The following RBMS1 variants were observed in gnomAD, a reference collection of about 807,000 sequenced individuals.
RBMS1 encodes RNA binding motif single stranded interacting protein 1.
Under a neutral mutation model 62.3 loss-of-function variants are expected in RBMS1, and 17 were observed. That is an observed-to-expected ratio of 0.27 (90% CI 0.19 to 0.41). RBMS1 has a LOEUF of 0.41. Among genes scored for constraint, RBMS1 ranks in the 10% least tolerant of loss-of-function variants. RBMS1 has a pLI of 1.00. For missense variants in RBMS1, 334 were observed against 504.5 expected (o/e 0.66, Z 3.24); for synonymous variants, 172 against 170.0 (o/e 1.01, Z -0.09).
intron 1 of RBMS1, among the ~76,000 whole-genome samples, chr2:160,403,685 C>T (rs1432596054): frequency 2.0e-5 from 3 of 152,186 alleles, no homozygotes; most frequent in Non-Finnish European, 2.9e-5. Context: ...CACACATACA[C>T]ACATGCAGAA....
rs970677973 is a variant in RBMS1, at chr2:160,278,436, G to T, written c.1062+112C>A. 105 of 852,586 alleles carry T rather than the reference G, an allele frequency of 1.2e-4. 1 individual carries two copies. The highest frequency in any genetic ancestry group is 6.2e-5 in the Non-Finnish European group (32 of 515,128). The allele number at this position is 852,586 out of a possible 1,614,324, so 52.8% of individuals were successfully genotyped here. A position where few individuals can be genotyped will look rare whatever the true frequency, so the allele number is the denominator to read the frequency against. On this transcript the variant is annotated intron_variant, in intron 11 of 13. Transcript: ENST00000348849. The stretch of plus-strand genomic sequence containing the variant: ...AAGGTCATGTGGGGGGAAGAGAGGG[G>T]ATTAGACATAATCTGTTATCATAGA...
chr2:160,306,165 ATG>A (rs1689510542), intron 4 of RBMS1, among the ~76,000 whole-genome samples: 1 of 151,894 alleles, frequency 6.6e-6, no homozygotes, highest in Non-Finnish European at 1.5e-5. Flanking sequence ...ACACATATAT[ATG>A]GAGTATATAT....
At chr2:160,425,673 G>C (rs1313009072) in intron 1 of RBMS1, among the ~76,000 whole-genome samples, 1 of 152,266 alleles carries the variant, frequency 6.6e-6, no homozygotes, top group East Asian at 1.9e-4. Flanking sequence ...GCTAAACAAA[G>C]AGCAACTACA....
chr2:160,344,414 C>G (rs1692061153), intron 2 of RBMS1, among the ~76,000 whole-genome samples: 1 of 152,128 alleles, frequency 6.6e-6, no homozygotes, highest in Non-Finnish European at 1.5e-5. Context: ...ATTTTTGCAT[C>G]CCATTCCCTA....
chr2:160,482,256 T>A (rs1427951343), intron 1 of RBMS1, among the ~76,000 whole-genome samples: 1 of 152,148 alleles, frequency 6.6e-6, no homozygotes, highest in African/African-American at 2.4e-5. Context: ...CAAGAATGGA[T>A]ACAACCAACC....
intron 2 of RBMS1, among the ~76,000 whole-genome samples, chr2:160,349,457 T>C (rs915540092): frequency 6.6e-6 from 1 of 152,060 alleles, no homozygotes; most frequent in Non-Finnish European, 1.5e-5. Context: ...AGTTTGTTCT[T>C]GTGGCAAATC....
intron 2 of RBMS1, among the ~76,000 whole-genome samples, chr2:160,343,629 T>C (rs1484004645): frequency 6.6e-6 from 1 of 152,178 alleles, no homozygotes. Flanking sequence ...AATTTAATTA[T>C]CAACCAGAGA....
intron 1 of RBMS1, among the ~76,000 whole-genome samples, chr2:160,391,276 C>G (rs1694852579): frequency 6.6e-6 from 1 of 150,778 alleles, no homozygotes; most frequent in African/African-American, 2.5e-5. Context: ...GGCACACAGA[C>G]AGAATGTCAT....
At chr2:160,418,269 A>G (rs190958253) in intron 1 of RBMS1, among the ~76,000 whole-genome samples, 6 of 152,348 alleles carry the variant, frequency 3.9e-5, no homozygotes, top group African/African-American at 1.2e-4. Flanking sequence ...CACTCCAAAG[A>G]TCAGTCATCA....
At chr2:160,281,622 A>G in intron 9 of RBMS1, 2 of 342,552 alleles carry the variant, frequency 5.8e-6, no homozygotes, top group Non-Finnish European at 1.1e-5. Flanking sequence ...AAAGAGAAAA[A>G]GGCGAAACAG....
chr2:160,378,607 ACT>A (rs1694119395), intron 1 of RBMS1, among the ~76,000 whole-genome samples: 1 of 141,702 alleles, frequency 7.1e-6, no homozygotes. Flanking sequence ...CCAAAGTAAG[ACT>A]CTATCTATAA....
intron 1 of RBMS1, among the ~76,000 whole-genome samples, chr2:160,473,493 T>G (rs1685007058): frequency 6.6e-6 from 1 of 152,188 alleles, no homozygotes; most frequent in African/African-American, 2.4e-5. Flanking sequence ...ATTTCTGTGC[T>G]ATGATTAAGG....
At chr2:160,478,791 G>A (rs543985966) in intron 1 of RBMS1, among the ~76,000 whole-genome samples, 56 of 152,284 alleles carry the variant, frequency 3.7e-4, no homozygotes, top group Middle Eastern at 3.4e-3. Context: ...AAGGCACAAC[G>A]GGCTTGTTGA....
chr2:160,453,370 C>T (rs556792961), intron 1 of RBMS1, among the ~76,000 whole-genome samples: 2 of 152,280 alleles, frequency 1.3e-5, no homozygotes, highest in African/African-American at 2.4e-5. Context: ...TCCTTACCAT[C>T]GTAAAAGCAT....
intron 3 of RBMS1, among the ~76,000 whole-genome samples, chr2:160,314,220 T>C (rs1690088598): frequency 6.6e-6 from 1 of 152,202 alleles, no homozygotes; most frequent in Admixed American, 6.5e-5. Flanking sequence ...AGTATCACCG[T>C]ATCAAAATAG....
chr2:160,443,067 G>T (rs1285483511), intron 1 of RBMS1, among the ~76,000 whole-genome samples: 1 of 152,086 alleles, frequency 6.6e-6, no homozygotes, highest in Non-Finnish European at 1.5e-5. Context: ...TTAGCCGGGT[G>T]TGGTGGCGGG....
Position 160,493,441 on chromosome 2 carries a change from T to G in RBMS1, c.-78A>C. 7.0e-7 allele frequency: 1 copy of G among 1,426,562 alleles called. No individual in the cohort carries two copies. The highest frequency in any genetic ancestry group is 9.8e-7 in the Non-Finnish European group (1 of 1,020,098). The allele number at this position is 1,426,562 out of a possible 1,614,324, so 88.4% of individuals were successfully genotyped here. On this transcript the variant is annotated 5_prime_UTR_variant, in exon 1 of 14. Transcript: ENST00000348849. ...AGTCTCGGGCTCTCCTGCCTCTCCC[T>G]TTCCGGCGGCGGCGGCAGCGGCGGC...
intron 2 of RBMS1, among the ~76,000 whole-genome samples, chr2:160,345,365 C>A (rs1692118281): frequency 6.6e-6 from 1 of 152,084 alleles, no homozygotes; most frequent in Non-Finnish European, 1.5e-5. Flanking sequence ...TACGGGGAGG[C>A]TAGTAGTGTT....
At chr2:160,331,080 C>G (rs1036511110) in intron 2 of RBMS1, among the ~76,000 whole-genome samples, 3 of 152,080 alleles carry the variant, frequency 2.0e-5, no homozygotes, top group Non-Finnish European at 2.9e-5. Flanking sequence ...AGCATGTTCC[C>G]CCACAGGTTT....
Sources: allele counts gnomAD v4.1 joint callset (sites outside exome capture counted in the v4.1 genomes callset), GRCh38; gene constraint gnomAD v4.1.1; transcripts MANE v1.5; gene names NCBI Gene and HGNC (gene_info 2026-07-23, HGNC 2026-07-21).